The following RSU1 variants were observed in gnomAD, a reference collection of about 807,000 sequenced individuals.
The protein encoded by RSU1 is Ras suppressor protein 1.
RSU1 carries 26 observed loss-of-function variants against 31.1 expected under a neutral mutation model. The observed-to-expected ratio is 0.84, with a 90% CI of 0.61 to 1.16. The LOEUF is 1.16. Among genes scored for constraint, RSU1 ranks in the 50% most tolerant of loss-of-function variants. The pLI, the probability that RSU1 is intolerant of heterozygous loss-of-function variation, is 0.00. For synonymous variants in RSU1, 164 were observed against 136.3 expected, an observed-to-expected ratio of 1.20 and a Z score of -1.41; for missense variants, 320 against 339.1, an observed-to-expected ratio of 0.94 and a Z score of 0.44.
intron 8 of RSU1, among the ~76,000 whole-genome samples, chr10:16,622,596 T>C (rs1392485190): frequency 6.6e-6 from 1 of 151,730 alleles, no homozygotes; most frequent in Non-Finnish European, 1.5e-5. Context: ...TAGCACTCAG[T>C]GAGAATAGAT....
chr10:16,599,858 C>T (rs1033091613), intron 8 of RSU1, among the ~76,000 whole-genome samples: 7 of 138,202 alleles, frequency 5.1e-5, no homozygotes, highest in Non-Finnish European at 9.7e-5. Context: ...AAAGCTTCGG[C>T]GGGCACTGCC....
intron 8 of RSU1, among the ~76,000 whole-genome samples, chr10:16,623,966 C>T (rs962767151): frequency 3.9e-5 from 6 of 152,196 alleles, no homozygotes; most frequent in Admixed American, 2.0e-4. Flanking sequence ...AGATCTTAGA[C>T]CTTGGGCTCT....
chr10:16,720,572 A>G (rs1198763336), intron 7 of RSU1, among the ~76,000 whole-genome samples: 1 of 152,204 alleles, frequency 6.6e-6, no homozygotes, highest in African/African-American at 2.4e-5. Context: ...CTTGTTCAAC[A>G]TTTTCTCATG....
chr10:16,591,098 G>C lies in RSU1; in HGVS notation c.*2296C>G, dbSNP rs2131445016. The C allele has an allele frequency of 6.6e-6, 1 of 152,318 alleles. No individual in the cohort carries two copies. The highest frequency in any genetic ancestry group is 2.1e-4 in the South Asian group (1 of 4,824). The allele number at this position is 152,318 out of a possible 1,614,324, so 9.4% of individuals were successfully genotyped here. A position where few individuals can be genotyped will look rare whatever the true frequency, so the allele number is the denominator to read the frequency against. The stretch of plus-strand genomic sequence containing the variant: ...GGCTAATTTTTTGTATTTTAGTAGA[G>C]ACGGGGTTTCACCGTGTTGCCCAGG... On this transcript the variant is annotated 3_prime_UTR_variant, in exon 9 of 9. Transcript: ENST00000345264.
At chr10:16,791,708 T>C (rs931876777) in intron 2 of RSU1, among the ~76,000 whole-genome samples, 1 of 151,830 alleles carries the variant, frequency 6.6e-6, no homozygotes, top group Non-Finnish European at 1.5e-5. Flanking sequence ...AGATAACTCA[T>C]GGAAGCAGGT....
intron 7 of RSU1, among the ~76,000 whole-genome samples, chr10:16,731,754 C>T (rs1353171637): frequency 1.3e-5 from 2 of 151,844 alleles, no homozygotes; most frequent in African/African-American, 4.8e-5. Flanking sequence ...TAAGGCTGAC[C>T]AGTTTTTTAT....
chr10:16,700,073 C>T (rs565539214), intron 7 of RSU1, among the ~76,000 whole-genome samples: 1 of 152,280 alleles, frequency 6.6e-6, no homozygotes, highest in Non-Finnish European at 1.5e-5. Context: ...CTCATTTTCA[C>T]TTATGGAAAT....
intron 2 of RSU1, among the ~76,000 whole-genome samples, chr10:16,799,141 T>G (rs1052735249): frequency 6.6e-6 from 1 of 152,190 alleles, no homozygotes; most frequent in Non-Finnish European, 1.5e-5. Flanking sequence ...AATGGCTATA[T>G]GTGCTGAAAA....
In RSU1 at chr10:16,722,953, T is replaced by C. The variant is rs1035808177; in HGVS notation, c.599-27798A>G. Reference sequence around the variant, plus strand: ...ACACACATATACATATATGTATATATACACACATATACATATATGTATATA... The same window carrying C: ...ACACACATATACATATATGTATATACACACACATATACATATATGTATATA... On this transcript the variant is annotated intron_variant, in intron 7 of 8. Transcript: ENST00000345264. 8.8e-5 allele frequency: 13 copies of C among 148,570 alleles called. No homozygotes were observed. The East Asian group carries it at 1.8e-3, about 20-fold the overall frequency. The allele number at this position is 148,570 out of a possible 1,614,324, so 9.2% of individuals were successfully genotyped here.
At position 16,700,011 on chromosome 10, in the gene RSU1, T is replaced by C. The variant is rs573079043; in HGVS notation, c.599-4856A>G. Reference sequence around the variant, plus strand: ...GCAAAACACTCATTCTCCTTGCTGGTTATAAATGTGACTGAATGCAATAGA... The same window carrying C: ...GCAAAACACTCATTCTCCTTGCTGGCTATAAATGTGACTGAATGCAATAGA... On this transcript the variant is annotated intron_variant, in intron 7 of 8. Transcript: ENST00000345264. Among the ~76,000 whole-genome samples, 3 of 152,350 alleles carry C rather than the reference T, an allele frequency of 2.0e-5. No individual in the cohort carries two copies. In the East Asian group the frequency reaches 5.8e-4, roughly 29 times the overall value.
chr10:16,810,440 C>A (rs572329195), intron 2 of RSU1, among the ~76,000 whole-genome samples: 3 of 152,098 alleles, frequency 2.0e-5, no homozygotes, highest in African/African-American at 7.2e-5. Flanking sequence ...CACATCCCAA[C>A]GAAAATCCTG....
At chr10:16,605,185 G>A (rs77623028) in intron 8 of RSU1, among the ~76,000 whole-genome samples, 11,762 of 152,182 alleles carry the variant, frequency 0.077, 1,177 homozygotes, top group African/African-American at 0.23. Context: ...TGATGAATAC[G>A]TCACCACTCT....
At chr10:16,683,832 A>T (rs1835383485) in intron 8 of RSU1, among the ~76,000 whole-genome samples, 2 of 152,344 alleles carry the variant, frequency 1.3e-5, no homozygotes, top group South Asian at 4.1e-4. Context: ...AAGGCGGTTC[A>T]ACAATTCAAC....
At chr10:16,799,841 G>A (rs780562329) in intron 2 of RSU1, among the ~76,000 whole-genome samples, 6 of 152,142 alleles carry the variant, frequency 3.9e-5, no homozygotes, top group East Asian at 1.9e-4. Context: ...AGCCGGGGGC[G>A]GGGAGGGGAT....
chr10:16,723,018 A>G (rs930896470), intron 7 of RSU1: 4 of 151,130 alleles, frequency 2.6e-5, no homozygotes, highest in African/African-American at 7.3e-5. Context: ...ACAAACATAC[A>G]CACATATATG....
At chr10:16,723,578 A>G (rs897140611) in intron 7 of RSU1, among the ~76,000 whole-genome samples, 4 of 152,228 alleles carry the variant, frequency 2.6e-5, no homozygotes, top group African/African-American at 9.6e-5. Context: ...CGCTGATATT[A>G]AAAACCTATA....
In RSU1 at chr10:16,593,502, A is replaced by AAGAC. The variant is rs765413274; in HGVS notation, c.732-10_732-7dup. The AAGAC allele has an allele frequency of 1.4e-4, 225 of 1,602,570 alleles. 1 individual carries two copies. The South Asian group carries it at 2.4e-3, about 17-fold the overall frequency. On this transcript the variant is annotated splice_polypyrimidine_tract_variant and splice_region_variant and intron_variant, in intron 8 of 8. Transcript: ENST00000345264. ...GCATGTGTCTGCCGTAGAGGCTGCA[A>AAGAC]AGACAGAGAAAGGACACTATCAGAT...
intron 2 of RSU1, among the ~76,000 whole-genome samples, chr10:16,800,962 C>CAAA (rs772645083): frequency 0.23 from 31,923 of 140,576 alleles, 3,536 homozygotes; most frequent in Middle Eastern, 0.28. Flanking sequence ...GAGCAGAAGA[C>CAAA]AAAAAAAAAA....
intron 8 of RSU1, among the ~76,000 whole-genome samples, chr10:16,656,173 A>G (rs1310908715): frequency 5.9e-5 from 9 of 152,216 alleles, no homozygotes; most frequent in Non-Finnish European, 7.3e-5. Flanking sequence ...AAACCCACAT[A>G]CAATCCTACC....
Sources: gnomAD v4.1 joint callset for allele counts (sites outside exome capture counted in the v4.1 genomes callset) on GRCh38, gnomAD v4.1.1 for gene constraint, MANE v1.5 for transcripts, NCBI Gene and HGNC (gene_info 2026-07-23, HGNC 2026-07-21) for gene names.